Variants in KIRREL3 observed in about 807,000 individuals in gnomAD.
KIRREL3 encodes kin of IRRE-like protein 3.
KIRREL3 carries 36 observed loss-of-function variants against 89.7 expected under a neutral mutation model. That is an observed-to-expected ratio of 0.40 (90% CI 0.31 to 0.53). The LOEUF (loss-of-function observed/expected upper bound fraction) is 0.53, where lower values mean the gene tolerates loss of function less well. Among genes scored for constraint, KIRREL3 ranks in the 20% least tolerant of loss-of-function variants. The probability of loss-of-function intolerance (pLI) is 0.49; values close to 1 mark genes in which losing one functional copy is unlikely to be tolerated. For missense variants in KIRREL3, 864 were observed against 1,056.6 expected, an observed-to-expected ratio of 0.82 and a Z score of 2.53; for synonymous variants, 445 against 441.4, an observed-to-expected ratio of 1.01 and a Z score of -0.10.
At chr11:126,888,691 C>T (rs186122479) in intron 1 of KIRREL3, among the ~76,000 whole-genome samples, 68 of 152,202 alleles carry the variant, frequency 4.5e-4, no homozygotes, top group African/African-American at 1.4e-3. Context: ...GACCAGGTGA[C>T]GCCGCTCGAG....
At chr11:126,770,567 C>T (rs978874800) in intron 1 of KIRREL3, among the ~76,000 whole-genome samples, 1 of 152,178 alleles carries the variant, frequency 6.6e-6, no homozygotes, top group African/African-American at 2.4e-5. Context: ...CATCGTGCCT[C>T]TTGTTGCAAG....
rs935114460 is a variant in KIRREL3 at position 126,610,677 on chromosome 11, C to T, written c.56-47765G>A. 3.9e-5 allele frequency: 6 copies of T among 152,376 alleles called. No homozygotes were observed. The highest frequency in any genetic ancestry group is 1.2e-4 in the African/African-American group (5 of 41,578). 9.4% of individuals were successfully genotyped at this position (152,376 alleles called of 1,614,324 possible). ...TCCCTGCAGGTGCCAGGACTACAGA[C>T]AGGGCAACGGAGAGCAGGGGCTTGC... is the stretch of plus-strand genomic sequence containing the variant. On this transcript the variant is annotated intron_variant, in intron 1 of 16. Transcript: ENST00000525144. This position sits in a 1 kb window ranked among gnomAD's most constrained non-coding sequence, Gnocchi z 4.6.
intron 4 of KIRREL3, among the ~76,000 whole-genome samples, chr11:126,505,261 C>G (rs77530351): frequency 0.04 from 6,081 of 152,294 alleles, 453 homozygotes; most frequent in African/African-American, 0.14. Context: ...TTACAAATAA[C>G]TATTAGGTTT....
rs1261459374 is a variant in KIRREL3 at position 126,498,576 on chromosome 11, A to G, written c.433+22739T>C. ...AAATTGTTTTCAGTTAAATATTCCC[A>G]GAGAGGTGCTAATGGTCTCCGGGGC... On this transcript the variant is annotated intron_variant, in intron 4 of 16. Transcript: ENST00000525144. The surrounding 1 kb of genome is among the most constrained non-coding windows in gnomAD (Gnocchi z 4.3). Among the ~76,000 whole-genome samples the G allele has an allele frequency of 6.6e-6, 1 of 152,204 alleles. No homozygotes were observed. Among genetic ancestry groups the G allele is most frequent in the East Asian group, 1.9e-4 (1 of 5,190 alleles).
chr11:126,673,978 T>C (rs1946073601), intron 1 of KIRREL3, among the ~76,000 whole-genome samples: 1 of 152,250 alleles, frequency 6.6e-6, no homozygotes. Flanking sequence ...GTCATAGCTC[T>C]GCTGTTAACT....
chr11:126,646,730 C>G (rs1038860237), intron 1 of KIRREL3, among the ~76,000 whole-genome samples: 23 of 152,278 alleles, frequency 1.5e-4, no homozygotes, highest in African/African-American at 5.3e-4. Flanking sequence ...CCGCCTTGGG[C>G]TCCCAAAGTG....
At chr11:126,820,207 A>G (rs998505689) in intron 1 of KIRREL3, among the ~76,000 whole-genome samples, 1 of 152,168 alleles carries the variant, frequency 6.6e-6, no homozygotes, top group Non-Finnish European at 1.5e-5. Flanking sequence ...TTTAGAGAGA[A>G]TGCTGCAGAG....
chr11:126,997,243 C>G lies in KIRREL3; in HGVS notation c.55+3212G>C, dbSNP rs1159569972. ...CTAAGTTTATGGATGACAAAAGAATCGATTATTTTTTCACCCAGGGGCAGA... is the reference window on the plus strand; with the variant it reads ...CTAAGTTTATGGATGACAAAAGAATGGATTATTTTTTCACCCAGGGGCAGA... On this transcript the variant is annotated intron_variant, in intron 1 of 16. Transcript: ENST00000525144. The surrounding 1 kb of genome is among the most constrained non-coding windows in gnomAD (Gnocchi z 4.3). Among the ~76,000 whole-genome samples the G allele has an allele frequency of 6.6e-6, 1 of 152,124 alleles. No individual in the cohort carries two copies. Among genetic ancestry groups the G allele is most frequent in the Non-Finnish European group, 1.5e-5 (1 of 68,006 alleles).
At chr11:126,728,731 C>T (rs77159389) in intron 1 of KIRREL3, among the ~76,000 whole-genome samples, 2 of 152,174 alleles carry the variant, frequency 1.3e-5, no homozygotes, top group East Asian at 1.9e-4. Flanking sequence ...AAGCTTTAAG[C>T]GGGAGGATTC....
chr11:126,746,610 AC>A (rs1310293373), intron 1 of KIRREL3, among the ~76,000 whole-genome samples: 9 of 152,064 alleles, frequency 5.9e-5, no homozygotes, highest in African/African-American at 1.9e-4. Flanking sequence ...CAATCTGGAA[AC>A]CTGAGCTTGA....
rs1944557071 is a variant in KIRREL3, at chr11:126,643,684, A to C, written c.56-80772T>G. Among the ~76,000 whole-genome samples the C allele has an allele frequency of 6.6e-6, 1 of 152,242 alleles. No homozygotes were observed. Among genetic ancestry groups the C allele is most frequent in the Non-Finnish European group, 1.5e-5 (1 of 68,036 alleles). ...GTGGCAACACAATGAGTAGGATTGT[A>C]CTGAAGATGAATTGGAGATAGGGAG... is the stretch of plus-strand genomic sequence containing the variant. On this transcript the variant is annotated intron_variant, in intron 1 of 16. Coordinates refer to ENST00000525144, the MANE Select transcript of KIRREL3 (RefSeq NM_032531.4). The surrounding 1 kb of genome is among the most constrained non-coding windows in gnomAD (Gnocchi z 4.5).
In KIRREL3 at chr11:126,967,163, G is replaced by A. The variant is rs77057523; in HGVS notation, c.55+33292C>T. Among the ~76,000 whole-genome samples, 534 of 152,250 alleles carry A rather than the reference G, an allele frequency of 3.5e-3. 4 individuals are homozygous for A. The highest frequency in any genetic ancestry group is 0.012 in the African/African-American group (496 of 41,536). The stretch of plus-strand genomic sequence containing the variant: ...TAGCTTGAGTAGCTCAAACACCTCT[G>A]ACACCTGGAGCAGAGACTGGAACCC... On this transcript the variant is annotated intron_variant, in intron 1 of 16. Coordinates refer to ENST00000525144, the MANE Select transcript of KIRREL3 (RefSeq NM_032531.4).
rs1482829611 is a variant in KIRREL3, at chr11:126,519,580, T to C, written c.433+1735A>G. Among the ~76,000 whole-genome samples the C allele has an allele frequency of 6.6e-6, 1 of 152,196 alleles. No homozygotes were observed. The highest frequency in any genetic ancestry group is 1.5e-5 in the Non-Finnish European group (1 of 68,036). On this transcript the variant is annotated intron_variant, in intron 4 of 16. Coordinates refer to ENST00000525144, the MANE Select transcript of KIRREL3 (RefSeq NM_032531.4). The surrounding 1 kb of genome is among the most constrained non-coding windows in gnomAD (Gnocchi z 4.3). The stretch of plus-strand genomic sequence containing the variant: ...TGTGGCTCCACCTATTTTTGGTTCC[T>C]GTGAAGTCAGAGGAGTGGACAATGC...
intron 1 of KIRREL3, among the ~76,000 whole-genome samples, chr11:126,790,142 G>A (rs1014424226): frequency 6.6e-6 from 1 of 152,166 alleles, no homozygotes; most frequent in East Asian, 1.9e-4. Context: ...CACTCTATTG[G>A]AGTGGTCCTC....
chr11:126,495,984 C>T lies in KIRREL3; in HGVS notation c.434-22518G>A, dbSNP rs1016574284. 2.6e-5 allele frequency among the ~76,000 whole-genome samples: 4 copies of T among 152,292 alleles called. No homozygotes were observed. The highest frequency in any genetic ancestry group is 1.9e-4 in the East Asian group (1 of 5,180). On this transcript the variant is annotated intron_variant, in intron 4 of 16. Coordinates refer to ENST00000525144, the MANE Select transcript of KIRREL3 (RefSeq NM_032531.4). The surrounding 1 kb of genome is among the most constrained non-coding windows in gnomAD (Gnocchi z 6.5). ...AGTATCTGCACTGCTACTACCCCAGCGCTCCAGCCCCTAGCTGTTTGCATC... is the reference window on the plus strand; with the variant it reads ...AGTATCTGCACTGCTACTACCCCAGTGCTCCAGCCCCTAGCTGTTTGCATC...
rs369771439 is a variant in KIRREL3, at chr11:126,686,913, T to A, written c.56-124001A>T. 1.8e-4 allele frequency among the ~76,000 whole-genome samples: 27 copies of A among 152,128 alleles called. No homozygotes were observed. The highest frequency in any genetic ancestry group is 6.3e-4 in the African/African-American group (26 of 41,398). ...AATTTTGAAACATAAGAAGGAGTTA[T>A]CCAGATGATAAGAGGGGAAGGAAGG... is the stretch of plus-strand genomic sequence containing the variant. On this transcript the variant is annotated intron_variant, in intron 1 of 16. Coordinates refer to ENST00000525144, the MANE Select transcript of KIRREL3 (RefSeq NM_032531.4). This position sits in a 1 kb window ranked among gnomAD's most constrained non-coding sequence, Gnocchi z 4.7.
Position 126,570,219 on chromosome 11 carries a change from C to T in KIRREL3, c.56-7307G>A, listed in dbSNP as rs543540938. ...GTTTACTAAATAACTATAAACTTTA[C>T]GTTGTTGTAAAGACATAATTGCTTC... On this transcript the variant is annotated intron_variant, in intron 1 of 16. Coordinates refer to ENST00000525144, the MANE Select transcript of KIRREL3 (RefSeq NM_032531.4). The surrounding 1 kb of genome is among the most constrained non-coding windows in gnomAD (Gnocchi z 6.1). Among the ~76,000 whole-genome samples the T allele has an allele frequency of 7.9e-5, 12 of 152,180 alleles. No homozygotes were observed. The South Asian group carries it at 1.7e-3, about 21-fold the overall frequency.
In KIRREL3 at chr11:126,709,058, A is replaced by G. The variant is rs540585148; in HGVS notation, c.56-146146T>C. On this transcript the variant is annotated intron_variant, in intron 1 of 16. Transcript: ENST00000525144. The surrounding 1 kb of genome is among the most constrained non-coding windows in gnomAD (Gnocchi z 4.0). ...TGGATCTTTCTAGAACACCAAGCTC[A>G]GCGTATCCCTTCTGATCAACAGAGA... 3.9e-5 allele frequency among the ~76,000 whole-genome samples: 6 copies of G among 152,362 alleles called. No individual in the cohort carries two copies. In the East Asian group the frequency reaches 1.2e-3, roughly 29 times the overall value.
intron 1 of KIRREL3, among the ~76,000 whole-genome samples, chr11:126,789,446 G>T (rs908951528): frequency 2.6e-5 from 4 of 152,104 alleles, no homozygotes; most frequent in Non-Finnish European, 1.5e-5. Context: ...ACTCTGTTCT[G>T]GCTGCCATTC....
Sources: allele counts gnomAD v4.1 joint callset (sites outside exome capture counted in the v4.1 genomes callset), GRCh38; gene constraint gnomAD v4.1.1; non-coding constraint Gnocchi (gnomAD v3.1); transcripts MANE v1.5; gene names NCBI Gene and HGNC (gene_info 2026-07-23, HGNC 2026-07-21).